HIVEP3: variants seen among roughly 807,000 people sequenced by gnomAD.
HIVEP3 encodes HIVEP zinc finger 3.
A neutral mutation model predicts 152.8 loss-of-function variants in HIVEP3; 49 were observed. The ratio of observed to expected loss-of-function variants is 0.32; its 90% confidence interval spans 0.26 to 0.41. The LOEUF (loss-of-function observed/expected upper bound fraction) is 0.41, where lower values mean the gene tolerates loss of function less well. Ranked by LOEUF, HIVEP3 falls within the 10% of genes least tolerant of loss-of-function variation. HIVEP3 has a pLI of 1.00. For missense variants in HIVEP3, 2,790 were observed against 3,103.3 expected (o/e 0.90, Z 2.40); for synonymous variants, 1,269 against 1,289.0 (o/e 0.98, Z 0.33).
chr1:41,924,923 C>T (rs1644960380), intron 1 of HIVEP3, among the ~76,000 whole-genome samples: 1 of 152,156 alleles, frequency 6.6e-6, no homozygotes, highest in Non-Finnish European at 1.5e-5. Flanking sequence ...TAACCAATGC[C>T]TCCAATCATT....
chr1:41,520,573 G>A (rs1047287704), intron 6 of HIVEP3, among the ~76,000 whole-genome samples: 22 of 152,156 alleles, frequency 1.4e-4, no homozygotes, highest in Non-Finnish European at 2.9e-4. Context: ...TCCTAAGGTC[G>A]TGGAGCCAGG....
intron 5 of HIVEP3, among the ~76,000 whole-genome samples, chr1:41,539,238 C>G (rs992630771): frequency 1.3e-5 from 2 of 148,896 alleles, no homozygotes; most frequent in African/African-American, 2.5e-5. Context: ...AGTTTCCCAG[C>G]AGCTCCTGCG....
At chr1:41,815,178 T>C (rs1322208797) in intron 1 of HIVEP3, among the ~76,000 whole-genome samples, 1 of 152,156 alleles carries the variant, frequency 6.6e-6, no homozygotes, top group East Asian at 1.9e-4. Flanking sequence ...TGAAAGAAAG[T>C]TCTAGGCAGA....
intron 1 of HIVEP3, among the ~76,000 whole-genome samples, chr1:41,959,093 T>C (rs1462785361): frequency 6.6e-6 from 1 of 152,164 alleles, no homozygotes; most frequent in East Asian, 1.9e-4. Context: ...ATGACAGAGA[T>C]AGACGCTACC....
chr1:41,772,568 G>A (rs1648442103), intron 1 of HIVEP3, among the ~76,000 whole-genome samples: 1 of 152,162 alleles, frequency 6.6e-6, no homozygotes, highest in South Asian at 2.1e-4. Flanking sequence ...CATCGGCATG[G>A]TTTCAGCAGA....
At chr1:41,890,073 C>A (rs532469409) in intron 1 of HIVEP3, among the ~76,000 whole-genome samples, 1 of 152,234 alleles carries the variant, frequency 6.6e-6, no homozygotes, top group Non-Finnish European at 1.5e-5. Context: ...AGCTTTGTGC[C>A]ACTGGGCATG....
chr1:41,527,052 TCA>T (rs760699038), intron 5 of HIVEP3, among the ~76,000 whole-genome samples: 330 of 17,650 alleles, frequency 0.019, 23 homozygotes, highest in African/African-American at 0.068. Context: ...ACCCTCTTCC[TCA>T]CACACACCCT....
At position 41,584,556 on chromosome 1, in the gene HIVEP3, G is replaced by T; in HGVS notation, c.242C>A (p.Pro81His). The change falls in exon 4 of 9, where the codon CCC becomes CAC. Residue 81 changes from proline (P) to histidine (H), a missense_variant. Physicochemically the swap from Pro to His is moderately conservative, Grantham distance 77 (BLOSUM62 -2). Around this residue, in one of 9 missense-constraint regions of HIVEP3, gnomAD observed 209 missense variants for 237.0 expected, o/e 0.88. Transcript: ENST00000372583. The surrounding 1 kb of genome is among the most constrained non-coding windows in gnomAD (Gnocchi z 5.2). ...QEKTGQQQKP[P>H]KRPPIEASVH... The stretch of plus-strand genomic sequence containing the variant: ...GGATGCTTCGATGGGGGGCCTTTTG[G>T]GGGGCTTCTGCTGCTGGCCCGTTTT... 1 of 1,614,114 alleles carries T rather than the reference G, an allele frequency of 6.2e-7. No homozygotes were observed. Among genetic ancestry groups the T allele is most frequent in the Non-Finnish European group, 8.5e-7 (1 of 1,179,998 alleles).
At chr1:41,840,079 CT>C (rs1015873630) in intron 1 of HIVEP3, among the ~76,000 whole-genome samples, 1 of 152,166 alleles carries the variant, frequency 6.6e-6, no homozygotes, top group Admixed American at 6.5e-5. Flanking sequence ...TTTGGGAATC[CT>C]GAGCCTGGCT....
At chr1:41,887,155 T>C (rs1262524297) in intron 1 of HIVEP3, among the ~76,000 whole-genome samples, 1 of 152,170 alleles carries the variant, frequency 6.6e-6, no homozygotes, top group Non-Finnish European at 1.5e-5. Context: ...AAAATCACTA[T>C]CATATGAAGA....
intron 2 of HIVEP3, among the ~76,000 whole-genome samples, chr1:41,637,496 A>G (rs1407820100): frequency 6.6e-6 from 1 of 151,582 alleles, no homozygotes; most frequent in Non-Finnish European, 1.5e-5. Flanking sequence ...TTCTGCCCCC[A>G]TTTTCCATCT....
At chr1:41,788,240 A>G (rs570012967) in intron 1 of HIVEP3, among the ~76,000 whole-genome samples, 1 of 152,282 alleles carries the variant, frequency 6.6e-6, no homozygotes, top group Non-Finnish European at 1.5e-5. Flanking sequence ...CCTCAGTGTG[A>G]GGCAGTGCAG....
intron 1 of HIVEP3, among the ~76,000 whole-genome samples, chr1:41,736,642 G>A (rs1385816806): frequency 6.6e-6 from 1 of 152,222 alleles, no homozygotes; most frequent in African/African-American, 2.4e-5. Context: ...GCAGATGCAG[G>A]CCAAGGAACC....
intron 3 of HIVEP3, among the ~76,000 whole-genome samples, chr1:41,598,370 T>A (rs1051634417): frequency 1.3e-5 from 2 of 152,232 alleles, no homozygotes; most frequent in African/African-American, 4.8e-5. Flanking sequence ...AAGGTTCTTG[T>A]GTCTACTATG....
chr1:41,945,552 T>C (rs1302180492), intron 1 of HIVEP3, among the ~76,000 whole-genome samples: 1 of 152,134 alleles, frequency 6.6e-6, no homozygotes, highest in African/African-American at 2.4e-5. Flanking sequence ...TTTGGTGATC[T>C]CTGGTATCTC....
chr1:41,849,546 C>T (rs1480890504), intron 1 of HIVEP3, among the ~76,000 whole-genome samples: 1 of 152,134 alleles, frequency 6.6e-6, no homozygotes, highest in African/African-American at 2.4e-5. Flanking sequence ...TAGCACAGGC[C>T]AGGAACATTT....
chr1:41,798,359 A>C (rs969022125), intron 1 of HIVEP3, among the ~76,000 whole-genome samples: 1 of 151,846 alleles, frequency 6.6e-6, no homozygotes, highest in Non-Finnish European at 1.5e-5. Context: ...GTCCCTTGTC[A>C]GCACCATTGA....
intron 1 of HIVEP3, among the ~76,000 whole-genome samples, chr1:41,886,997 C>A (rs191039484): frequency 6.6e-6 from 1 of 151,600 alleles, no homozygotes; most frequent in East Asian, 1.9e-4. Context: ...AGGACCCAAA[C>A]CTATGGCAGT....
intron 1 of HIVEP3, among the ~76,000 whole-genome samples, chr1:41,961,376 G>T (rs115615118): frequency 1.5e-3 from 230 of 152,330 alleles, no homozygotes; most frequent in African/African-American, 4.9e-3. Context: ...TAAATTCCAG[G>T]GAATTTTTGC....
Sources: gnomAD v4.1 joint callset for allele counts (sites outside exome capture counted in the v4.1 genomes callset) on GRCh38, gnomAD v4.1.1 for gene constraint, gnomAD v4.1.1 regional missense constraint, Gnocchi (gnomAD v3.1) non-coding constraint, MANE v1.5 for transcripts, NCBI Gene and HGNC (gene_info 2026-07-23, HGNC 2026-07-21) for gene names.